RNF40: variants seen among roughly 807,000 people sequenced by gnomAD.
RNF40 encodes the protein E3 ubiquitin-protein ligase BRE1B.
A neutral mutation model predicts 123.3 loss-of-function variants in RNF40; 39 were observed. That is an observed-to-expected ratio of 0.32 (90% CI 0.24 to 0.41). The LOEUF (loss-of-function observed/expected upper bound fraction) is 0.41. Ranked by LOEUF, RNF40 falls within the 10% of genes least tolerant of loss-of-function variation. RNF40 has a pLI of 1.00. For missense variants in RNF40, 1,003 were observed against 1,319.9 expected (o/e 0.76, Z 3.72); for synonymous variants, 538 against 526.0 (o/e 1.02, Z -0.31).
Position 30,769,305 on chromosome 16 carries a change from A to C in RNF40, c.2367A>C (p.Leu789=). 2 of 1,614,204 alleles carry C rather than the reference A, an allele frequency of 1.2e-6. No homozygotes were observed. The highest frequency in any genetic ancestry group is 1.7e-6 in the Non-Finnish European group (2 of 1,180,030). ...AAAAGGATGATGCCAACTTTAAGCT[A>C]ATGTCAGAGCGGATCAAGGCCAACC... ...LREKDDANFK[L]MSERIKANQI... is the part of the protein sequence containing the mutation. Residue 789 remains leucine, a synonymous_variant, in exon 16 of 20, where the codon CTA becomes CTC. Transcript: ENST00000324685.
chr16:30,773,677 G>C, intron 19 of RNF40: 1 of 376,084 alleles, frequency 2.7e-6, no homozygotes. Flanking sequence ...GGGCCTGTGG[G>C]TCCTTGTCCT....
chr16:30,767,849 C>T, intron 11 of RNF40, 45 bp from the exon 12 acceptor site: 3 of 1,613,930 alleles, frequency 1.9e-6, no homozygotes, highest in Non-Finnish European at 2.5e-6. Context: ...GGAGTCCTAA[C>T]CCAGGAACTG....
chr16:30,775,880 A>G lies in RNF40; in HGVS notation c.*1766A>G, dbSNP rs2054226992. On this transcript the variant is annotated 3_prime_UTR_variant, in exon 20 of 20. Coordinates refer to ENST00000324685, the MANE Select transcript of RNF40 (RefSeq NM_014771.4). ...GGCCGCCGCTGCTGGACCAGGACGA[A>G]CTGGAGAAGGAGACGCGGGCCGCCA... is the stretch of plus-strand genomic sequence containing the variant. The G allele has an allele frequency of 6.6e-6, 1 of 152,228 alleles. No individual in the cohort carries two copies. Among genetic ancestry groups the G allele is most frequent in the Non-Finnish European group, 1.5e-5 (1 of 68,042 alleles). 9.4% of individuals were successfully genotyped at this position (152,228 alleles called of 1,614,324 possible).
In RNF40 at chr16:30,774,226, A is replaced by C. The variant is rs1010996586; in HGVS notation, c.*112A>C. ...CCTCCATTCCGGACCCCATGGGCCCAGCCCCTGCCCATCTAGTTGGTTTGG... is the reference window on the plus strand; with the variant it reads ...CCTCCATTCCGGACCCCATGGGCCCCGCCCCTGCCCATCTAGTTGGTTTGG... On this transcript the variant is annotated 3_prime_UTR_variant, in exon 20 of 20. Transcript: ENST00000324685. 5 of 1,160,916 alleles carry C rather than the reference A, an allele frequency of 4.3e-6. No individual in the cohort carries two copies. The highest frequency in any genetic ancestry group is 1.6e-5 in the African/African-American group (1 of 64,414). 71.9% of individuals were successfully genotyped at this position (1,160,916 alleles called of 1,614,324 possible).
In RNF40 at chr16:30,765,403, CCTGT is replaced by C. The variant is rs1180961501; in HGVS notation, c.919-17_919-14del. On this transcript the variant is annotated intron_variant, in intron 7 of 19. Transcript: ENST00000324685. ...TAGCTCCTCCCCTCTACATCCATTGCCTGTCTGTTTTCTCTCCACAGCTTAACTC... is the reference window on the plus strand; with the variant it reads ...TAGCTCCTCCCCTCTACATCCATTGCCTGTTTTCTCTCCACAGCTTAACTC... 2.5e-6 allele frequency: 4 copies of C among 1,613,936 alleles called. No individual in the cohort carries two copies. Among genetic ancestry groups the C allele is most frequent in the Non-Finnish European group, 3.4e-6 (4 of 1,179,894 alleles).
chr16:30,770,235 G>T (rs1389879765), intron 17 of RNF40, among the ~76,000 whole-genome samples: 1 of 150,436 alleles, frequency 6.6e-6, no homozygotes, highest in East Asian at 2.0e-4. Flanking sequence ...AGCCTCTCAA[G>T]TAGCTGGGAT....
In RNF40 at chr16:30,774,006, T is replaced by G; in HGVS notation, c.2898T>G (p.Val966=). 1 of 1,614,108 alleles carries G rather than the reference T, an allele frequency of 6.2e-7. No individual in the cohort carries two copies. The highest frequency in any genetic ancestry group is 8.5e-7 in the Non-Finnish European group (1 of 1,179,926). Residue 966 remains valine, a synonymous_variant, in exon 20 of 20, where the codon GTT becomes GTG. Transcript: ENST00000324685. ...CAGTCCTTACCAAGTGCTTCCACGT[T>G]TTCTGCTTCGAGTGCGTGCGGGGCC... ...KDAVLTKCFH[V]FCFECVRGRY...
intron 4 of RNF40, 90 bp downstream of exon 4, chr16:30,763,649 C>G (rs1400402205): frequency 3.0e-6 from 4 of 1,342,416 alleles, no homozygotes; most frequent in Non-Finnish European, 4.1e-6. Flanking sequence ...CCTGAATTGC[C>G]TATCTTACTA....
chr16:30,765,869 G>A (rs1487496183), intron 8 of RNF40, among the ~76,000 whole-genome samples: 1 of 152,230 alleles, frequency 6.6e-6, no homozygotes, highest in Non-Finnish European at 1.5e-5. Context: ...GTTGGAGTCA[G>A]TTGGCATCTG....
Position 30,774,032 on chromosome 16 carries a change from G to A in RNF40, c.2924G>A (p.Arg975His). 4 of 1,614,058 alleles carry A rather than the reference G, an allele frequency of 2.5e-6. No homozygotes were observed. Among genetic ancestry groups the A allele is most frequent in the Non-Finnish European group, 3.4e-6 (4 of 1,179,894 alleles). Reference sequence around the variant, plus strand: ...TTCTGCTTCGAGTGCGTGCGGGGCCGCTATGAGGCCCGCCAGAGGAAGTGC... The same window carrying A: ...TTCTGCTTCGAGTGCGTGCGGGGCCACTATGAGGCCCGCCAGAGGAAGTGC... ...HVFCFECVRG[R>H]YEARQRKCPK... The change falls in exon 20 of 20, where the codon CGC (arginine) becomes CAC (histidine). Residue 975 changes from arginine to histidine, a missense_variant. By Grantham distance (29) the Arg-to-His change is conservative (BLOSUM62 0). Coordinates refer to ENST00000324685, the MANE Select transcript of RNF40 (RefSeq NM_014771.4).
chr16:30,768,850 C>T lies in RNF40; in HGVS notation c.2110C>T (p.Arg704Trp), dbSNP rs149396723. The change falls in exon 15 of 20, where the codon CGG (arginine) becomes TGG (tryptophan). Residue 704 changes from arginine (R) to tryptophan (W), a missense_variant. This residue lies in a region of RNF40 where 295 missense variants were observed against 331.7 expected (regional missense o/e 0.89). Transcript: ENST00000324685. This position sits in a 1 kb window ranked among gnomAD's most constrained non-coding sequence, Gnocchi z 4.1. ...RKAKAEVDEL[R>W]SRIRELEERD... The stretch of plus-strand genomic sequence containing the variant: ...CCCTGTGCTATAGGTTGATGAGCTG[C>T]GGAGCCGCATCCGGGAATTGGAGGA... The T allele has an allele frequency of 1.9e-5, 30 of 1,614,064 alleles. No individual in the cohort carries two copies. The African/African-American group carries it at 2.9e-4, about 16-fold the overall frequency.
At position 30,775,380 on chromosome 16, in the gene RNF40, C is replaced by G. The variant is rs866223740; in HGVS notation, c.*1266C>G. The stretch of plus-strand genomic sequence containing the variant: ...GCCGCCTGTCCTGCTCCCACCGACC[C>G]CGGTCTGACCACGTCCTTGGCTGTC... On this transcript the variant is annotated 3_prime_UTR_variant, in exon 20 of 20. Coordinates refer to ENST00000324685, the MANE Select transcript of RNF40 (RefSeq NM_014771.4). The G allele has an allele frequency of 2.6e-5, 6 of 228,914 alleles. No homozygotes were observed. The highest frequency in any genetic ancestry group is 1.6e-4 in the South Asian group (3 of 19,194). The allele number at this position is 228,914 out of a possible 1,614,324, so 14.2% of individuals were successfully genotyped here.
intron 8 of RNF40, among the ~76,000 whole-genome samples, 186 bp downstream of exon 8, chr16:30,765,685 C>T (rs1293893064): frequency 6.6e-6 from 1 of 152,222 alleles, no homozygotes. Context: ...AGGCACTAGG[C>T]ATATTGGCGA....
At chr16:30,765,801 A>T (rs1325760627) in intron 8 of RNF40, among the ~76,000 whole-genome samples, 1 of 152,268 alleles carries the variant, frequency 6.6e-6, no homozygotes, top group Admixed American at 6.5e-5. Context: ...GTAAAATAGC[A>T]TATCAGTGTG....
chr16:30,762,496 C>T lies in RNF40; in HGVS notation c.-50C>T, dbSNP rs752097638. ...GCAGGTGACGGAAGTACCGCCTCCT[C>T]CCGTTTGACGCCCCTCAGGGGACCC... is the stretch of plus-strand genomic sequence containing the variant. On this transcript the variant is annotated 5_prime_UTR_variant, in exon 2 of 20. Coordinates refer to ENST00000324685, the MANE Select transcript of RNF40 (RefSeq NM_014771.4). 1 of 1,533,480 alleles carries T rather than the reference C, an allele frequency of 6.5e-7. No homozygotes were observed. Among genetic ancestry groups the T allele is most frequent in the South Asian group, 1.2e-5 (1 of 82,624 alleles). 95.0% of individuals were successfully genotyped at this position (1,533,480 alleles called of 1,614,324 possible). A position where few individuals can be genotyped will look rare whatever the true frequency, so the allele number is the denominator to read the frequency against.
chr16:30,761,969 G>C (rs1000558135), upstream of RNF40: 5 of 574,030 alleles, frequency 8.7e-6, no homozygotes, highest in Admixed American at 1.6e-4. Context: ...GGCGGAAAGC[G>C]CAGGCTCACG....
rs2054206686 is a variant in RNF40, at chr16:30,774,911, G to T, written c.*797G>T. The T allele has an allele frequency of 2.2e-6, 1 of 455,924 alleles. No individual in the cohort carries two copies. Among genetic ancestry groups the T allele is most frequent in the African/African-American group, 2.0e-5 (1 of 50,066 alleles). The allele number at this position is 455,924 out of a possible 1,614,324, so 28.2% of individuals were successfully genotyped here. A position where few individuals can be genotyped will look rare whatever the true frequency, so the allele number is the denominator to read the frequency against. On this transcript the variant is annotated 3_prime_UTR_variant, in exon 20 of 20. Transcript: ENST00000324685. ...TTTCATCCTGGTGGCCTTAACTACA[G>T]TGGAGGTGGAACTTCCCAGGAGGGG... is the stretch of plus-strand genomic sequence containing the variant.
chr16:30,774,343 C>T lies in RNF40; in HGVS notation c.*229C>T. 1 of 513,896 alleles carries T rather than the reference C, an allele frequency of 1.9e-6. No homozygotes were observed. Among genetic ancestry groups the T allele is most frequent in the Non-Finnish European group, 3.4e-6 (1 of 291,376 alleles). The allele number at this position is 513,896 out of a possible 1,614,324, so 31.8% of individuals were successfully genotyped here. A position where few individuals can be genotyped will look rare whatever the true frequency, so the allele number is the denominator to read the frequency against. The stretch of plus-strand genomic sequence containing the variant: ...GAGCTGCAGCCTAGGGGGCACTGCC[C>T]TACAGAAAAGGTCTGCCTGAGAGGC... On this transcript the variant is annotated 3_prime_UTR_variant, in exon 20 of 20. Transcript: ENST00000324685.
At chr16:30,771,237 G>T (rs749843896) in intron 17 of RNF40, among the ~76,000 whole-genome samples, 39 of 152,174 alleles carry the variant, frequency 2.6e-4, no homozygotes, top group Non-Finnish European at 5.9e-5. Flanking sequence ...CTTTTAGGAG[G>T]TGACACTTGA....
Sources: allele counts gnomAD v4.1 joint callset (sites outside exome capture counted in the v4.1 genomes callset), GRCh38; gene constraint gnomAD v4.1.1; regional missense constraint gnomAD v4.1.1; non-coding constraint Gnocchi (gnomAD v3.1); transcripts MANE v1.5; gene names NCBI Gene and HGNC (gene_info 2026-07-23, HGNC 2026-07-21).